LRMDA: variants seen among roughly 807,000 people sequenced by gnomAD.
The protein encoded by LRMDA is leucine rich melanocyte differentiation associated.
Under a neutral mutation model 29.8 loss-of-function variants are expected in LRMDA, and 18 were observed. The observed-to-expected ratio is 0.60, with a 90% confidence interval of 0.42 to 0.90. The LOEUF (loss-of-function observed/expected upper bound fraction) is 0.90, where lower values mean the gene tolerates loss of function less well. Ranked by LOEUF, LRMDA falls within the 40% of genes least tolerant of loss-of-function variation. LRMDA has a pLI of 0.00. For missense variants in LRMDA, 273 were observed against 273.9 expected, an observed-to-expected ratio of 1.00 and a Z score of 0.02; for synonymous variants, 125 against 109.4, an observed-to-expected ratio of 1.14 and a Z score of -0.89.
chr10:76,193,143 G>T (rs190020688), intron 5 of LRMDA, among the ~76,000 whole-genome samples: 2 of 152,216 alleles, frequency 1.3e-5, no homozygotes, highest in East Asian at 3.9e-4. Flanking sequence ...TACATGTGTC[G>T]GAGTTTCCTT....
intron 2 of LRMDA, among the ~76,000 whole-genome samples, chr10:75,571,821 C>A (rs1456725309): frequency 6.6e-6 from 1 of 152,144 alleles, no homozygotes; most frequent in African/African-American, 2.4e-5. Flanking sequence ...ATGGAAAGAT[C>A]TAGAGACTTG....
intron 6 of LRMDA, among the ~76,000 whole-genome samples, chr10:76,407,010 C>T (rs138420090): frequency 3.9e-5 from 6 of 152,262 alleles, no homozygotes; most frequent in African/African-American, 1.4e-4. Flanking sequence ...TCCCTCCATC[C>T]ACCCACAAAC....
chr10:75,664,297 C>A (rs1386257190), intron 2 of LRMDA, among the ~76,000 whole-genome samples: 2 of 152,198 alleles, frequency 1.3e-5, no homozygotes, highest in East Asian at 3.9e-4. Flanking sequence ...CTTGCAGAGT[C>A]AGGCAGTGGC....
At chr10:75,437,516 T>G (rs1476479287) in intron 1 of LRMDA, among the ~76,000 whole-genome samples, 1 of 152,142 alleles carries the variant, frequency 6.6e-6, no homozygotes, top group African/African-American at 2.4e-5. Flanking sequence ...GGGTTTATTT[T>G]ATGGTTTGAG....
At chr10:76,406,419 G>A (rs1479551683) in intron 6 of LRMDA, among the ~76,000 whole-genome samples, 1 of 152,164 alleles carries the variant, frequency 6.6e-6, no homozygotes, top group Non-Finnish European at 1.5e-5. Context: ...AGAGATGTTG[G>A]GATAGGTACA....
intron 6 of LRMDA, among the ~76,000 whole-genome samples, chr10:76,533,296 C>A (rs1843255514): frequency 6.6e-6 from 1 of 152,134 alleles, no homozygotes; most frequent in South Asian, 2.1e-4. Flanking sequence ...CCATGACAGG[C>A]CAACTTCAGT....
chr10:76,084,146 G>A (rs532426644), intron 5 of LRMDA, among the ~76,000 whole-genome samples: 28 of 151,976 alleles, frequency 1.8e-4, no homozygotes, highest in Non-Finnish European at 2.9e-4. Flanking sequence ...GTATCCAAGG[G>A]ACTTGGCTCA....
intron 2 of LRMDA, among the ~76,000 whole-genome samples, chr10:75,750,061 T>A (rs1842936340): frequency 6.6e-6 from 1 of 152,262 alleles, no homozygotes; most frequent in Non-Finnish European, 1.5e-5. Context: ...CTGATTTCTC[T>A]TTCTTTTCCC....
At chr10:76,024,966 A>T (rs993049114) in intron 2 of LRMDA, among the ~76,000 whole-genome samples, 1 of 152,184 alleles carries the variant, frequency 6.6e-6, no homozygotes, top group Non-Finnish European at 1.5e-5. Context: ...AGGTGCACGC[A>T]TACCATGGCT....
At chr10:76,217,382 C>T (rs994958695) in intron 5 of LRMDA, among the ~76,000 whole-genome samples, 21 of 152,190 alleles carry the variant, frequency 1.4e-4, no homozygotes, top group African/African-American at 5.1e-4. Context: ...GAGCGACCTC[C>T]TGATTTGCTA....
At chr10:76,199,474 G>T (rs1479331385) in intron 5 of LRMDA, among the ~76,000 whole-genome samples, 3 of 152,032 alleles carry the variant, frequency 2.0e-5, no homozygotes, top group Non-Finnish European at 4.4e-5. Context: ...TGTCTATCTT[G>T]CAGAACCATG....
intron 4 of LRMDA, among the ~76,000 whole-genome samples, chr10:76,051,348 G>C (rs1405898563): frequency 2.6e-5 from 4 of 152,248 alleles, no homozygotes; most frequent in African/African-American, 9.6e-5. Flanking sequence ...CTGTCCTGTG[G>C]GTGTATTGTT....
chr10:76,243,360 C>T (rs1460957310), intron 5 of LRMDA, among the ~76,000 whole-genome samples: 1 of 152,088 alleles, frequency 6.6e-6, no homozygotes, highest in Non-Finnish European at 1.5e-5. Flanking sequence ...GTAACAAATA[C>T]TATTACATTA....
intron 4 of LRMDA, among the ~76,000 whole-genome samples, chr10:76,055,895 CA>C (rs1848606851): frequency 6.6e-6 from 1 of 152,192 alleles, no homozygotes; most frequent in Non-Finnish European, 1.5e-5. Context: ...CTGGGCTCCC[CA>C]AAGGGCCACA....
At chr10:75,698,599 C>A (rs1001880686) in intron 2 of LRMDA, among the ~76,000 whole-genome samples, 1 of 120,054 alleles carries the variant, frequency 8.3e-6, no homozygotes, top group African/African-American at 3.0e-5. Context: ...AACAGTGGTC[C>A]ATAGTGACAC....
chr10:76,371,797 G>A (rs1341260765), intron 6 of LRMDA, among the ~76,000 whole-genome samples: 1 of 152,122 alleles, frequency 6.6e-6, no homozygotes, highest in Non-Finnish European at 1.5e-5. Context: ...GTATTGATTT[G>A]CTTTTCTACT....
At chr10:75,700,525 T>C (rs1453750722) in intron 2 of LRMDA, among the ~76,000 whole-genome samples, 1 of 151,138 alleles carries the variant, frequency 6.6e-6, no homozygotes, top group Non-Finnish European at 1.5e-5. Flanking sequence ...AAGCTCCACC[T>C]CCTGGGTTCA....
chr10:76,190,472 A>G (rs1201898097), intron 5 of LRMDA, among the ~76,000 whole-genome samples: 1 of 152,126 alleles, frequency 6.6e-6, no homozygotes, highest in Non-Finnish European at 1.5e-5. Context: ...GTAAATCTTC[A>G]TGTTTTGATT....
intron 6 of LRMDA, among the ~76,000 whole-genome samples, chr10:76,362,979 T>C (rs554353515): frequency 6.6e-6 from 1 of 151,440 alleles, no homozygotes; most frequent in Admixed American, 6.6e-5. Flanking sequence ...GGGTGGGGAT[T>C]AATTCCTACC....
Sources: gnomAD v4.1 joint callset for allele counts (sites outside exome capture counted in the v4.1 genomes callset) on GRCh38, gnomAD v4.1.1 for gene constraint, MANE v1.5 for transcripts, NCBI Gene and HGNC (gene_info 2026-07-23, HGNC 2026-07-21) for gene names.